Variants in DLG2 observed in about 807,000 individuals in gnomAD.
The protein encoded by DLG2 is discs large MAGUK scaffold protein 2.
A neutral mutation model predicts 132.5 loss-of-function variants in DLG2; 45 were observed. That is an observed-to-expected ratio of 0.34 (90% CI 0.27 to 0.44). The LOEUF is 0.44. DLG2 is among the 20% of genes least tolerant of loss of function. The pLI is 1.00. For missense variants in DLG2, 1,045 were observed against 1,196.9 expected, an observed-to-expected ratio of 0.87 and a Z score of 1.87; for synonymous variants, 424 against 419.6, an observed-to-expected ratio of 1.01 and a Z score of -0.13.
chr11:85,243,910 G>C (rs1241240378), intron 4 of DLG2, among the ~76,000 whole-genome samples: 1 of 151,760 alleles, frequency 6.6e-6, no homozygotes, highest in Non-Finnish European at 1.5e-5. Context: ...TTTGGTACTT[G>C]GTCAATTTCC....
At position 84,642,970 on chromosome 11, in the gene DLG2, C is replaced by T. The variant is rs1167705824; in HGVS notation, c.358-108239G>A. Among the ~76,000 whole-genome samples the T allele has an allele frequency of 3.9e-5, 6 of 152,236 alleles. No individual in the cohort carries two copies. In the East Asian group the frequency reaches 1.2e-3, roughly 29 times the overall value. ...AAAATAATGCTACAGTAATTTTTTC[C>T]TTACCAGTATTTTTTTTCTTCTCTA... On this transcript the variant is annotated intron_variant, in intron 6 of 27. Coordinates refer to ENST00000376104, the MANE Select transcript of DLG2 (RefSeq NM_001142699.3).
intron 3 of DLG2, among the ~76,000 whole-genome samples, chr11:85,553,514 T>C (rs544626397): frequency 6.6e-6 from 1 of 151,640 alleles, no homozygotes; most frequent in Admixed American, 6.6e-5. Context: ...AAATGGGGTT[T>C]CCAGCTAAAC....
At chr11:84,549,957 T>A (rs1473339383) in intron 6 of DLG2, among the ~76,000 whole-genome samples, 3 of 152,116 alleles carry the variant, frequency 2.0e-5, no homozygotes, top group Non-Finnish European at 4.4e-5. Context: ...TGTTTCTCCA[T>A]GTAGGCCAGG....
At chr11:85,483,148 A>G (rs949374680) in intron 3 of DLG2, among the ~76,000 whole-genome samples, 1 of 152,210 alleles carries the variant, frequency 6.6e-6, no homozygotes, top group Non-Finnish European at 1.5e-5. Flanking sequence ...TATGTCAAAA[A>G]TCAAGGACAA....
At chr11:84,846,408 T>C (rs2081479429) in intron 6 of DLG2, among the ~76,000 whole-genome samples, 1 of 152,148 alleles carries the variant, frequency 6.6e-6, no homozygotes, top group South Asian at 2.1e-4. Context: ...TCTTCCCTAT[T>C]ACTCATCCTT....
chr11:84,937,074 C>A (rs927601937), intron 6 of DLG2, among the ~76,000 whole-genome samples: 14 of 152,110 alleles, frequency 9.2e-5, no homozygotes, highest in African/African-American at 3.4e-4. Context: ...ACTGCTTGAA[C>A]CCAGGAGGCA....
intron 6 of DLG2, chr11:84,545,748 G>GTGCTTTTTTTTTTTTTTTTTT (rs1270455720): frequency 6.6e-6 from 1 of 151,844 alleles, no homozygotes; most frequent in African/African-American, 2.8e-5. Flanking sequence ...CTTAGGTGAT[G>GTGCTTTTTTTTTTTTTTTTTT]TTCTTTTTTT....
chr11:83,988,821 A>AT (rs1266903670), intron 11 of DLG2, among the ~76,000 whole-genome samples: 1 of 151,816 alleles, frequency 6.6e-6, no homozygotes, highest in South Asian at 2.1e-4. Context: ...GACTATATAT[A>AT]TTTTTTTCCT....
intron 6 of DLG2, among the ~76,000 whole-genome samples, chr11:85,007,527 A>T (rs1009550366): frequency 2.0e-5 from 3 of 151,614 alleles, no homozygotes; most frequent in African/African-American, 7.3e-5. Flanking sequence ...TTAGCCGGGC[A>T]TGGTGGCAGG....
chr11:84,616,736 T>C (rs775151777), intron 6 of DLG2, among the ~76,000 whole-genome samples: 4 of 152,154 alleles, frequency 2.6e-5, no homozygotes, highest in Non-Finnish European at 5.9e-5. Flanking sequence ...ACCCTTGCAC[T>C]GTCATTATGA....
At chr11:84,173,223 T>C (rs2095863539) in intron 8 of DLG2, among the ~76,000 whole-genome samples, 1 of 152,220 alleles carries the variant, frequency 6.6e-6, no homozygotes, top group South Asian at 2.1e-4. Flanking sequence ...GCTCCCTTGT[T>C]TTGCACCATG....
intron 7 of DLG2, among the ~76,000 whole-genome samples, chr11:84,530,818 G>A (rs1027180331): frequency 2.0e-5 from 3 of 152,170 alleles, no homozygotes; most frequent in Non-Finnish European, 2.9e-5. Context: ...TAAGACACAC[G>A]CAAAGGTATG....
intron 3 of DLG2, among the ~76,000 whole-genome samples, chr11:85,583,498 CTA>C (rs2153229562): frequency 6.6e-6 from 1 of 151,996 alleles, no homozygotes; most frequent in South Asian, 2.1e-4. Flanking sequence ...GAAATATATT[CTA>C]TATGGTATAT....
At chr11:83,720,738 CTTTTTTTTTT>C (rs10690118) in intron 18 of DLG2, 1 of 124,094 alleles carries the variant, frequency 8.1e-6, no homozygotes, top group African/African-American at 3.2e-5. Flanking sequence ...TCAGCCCTCC[CTTTTTTTTTT>C]TTTTTTTTTT....
intron 4 of DLG2, among the ~76,000 whole-genome samples, chr11:85,251,112 TCACC>T (rs1258101371): frequency 6.6e-6 from 1 of 152,062 alleles, no homozygotes. Context: ...TACACTCCCA[TCACC>T]CACTGTGGGA....
At chr11:85,103,385 G>A (rs1190675286) in intron 6 of DLG2, among the ~76,000 whole-genome samples, 3 of 151,898 alleles carry the variant, frequency 2.0e-5, no homozygotes, top group African/African-American at 7.2e-5. Flanking sequence ...AAGACAGTGT[G>A]GCACTGGCAA....
chr11:83,807,609 A>C (rs1056107577), intron 17 of DLG2, among the ~76,000 whole-genome samples: 1 of 152,158 alleles, frequency 6.6e-6, no homozygotes, highest in Admixed American at 6.6e-5. Context: ...GAGAACAGAA[A>C]AGAAAAGGAG....
At chr11:83,856,513 A>T (rs985065498) in intron 16 of DLG2, among the ~76,000 whole-genome samples, 15 of 152,044 alleles carry the variant, frequency 9.9e-5, no homozygotes, top group Admixed American at 3.3e-4. Flanking sequence ...TGACTTTTTG[A>T]TAATAGCCAT....
intron 6 of DLG2, among the ~76,000 whole-genome samples, chr11:84,998,743 C>T (rs1488355622): frequency 1.2e-4 from 18 of 151,810 alleles, no homozygotes; most frequent in Admixed American, 3.3e-4. Flanking sequence ...AGACCATAAG[C>T]GGATTTTTTT....
Sources: allele counts gnomAD v4.1 joint callset (sites outside exome capture counted in the v4.1 genomes callset), GRCh38; gene constraint gnomAD v4.1.1; transcripts MANE v1.5; gene names NCBI Gene and HGNC (gene_info 2026-07-23, HGNC 2026-07-21).